USP37: variants seen among roughly 807,000 people sequenced by gnomAD.
The protein encoded by USP37 is ubiquitin specific peptidase 37.
Under a neutral mutation model 124.0 loss-of-function variants are expected in USP37, and 27 were observed. That is an observed-to-expected ratio of 0.22 (90% confidence interval 0.16 to 0.30). The LOEUF is 0.30. Among genes scored for constraint, USP37 ranks in the 10% least tolerant of loss-of-function variants. The probability of loss-of-function intolerance (pLI) is 1.00; values close to 1 mark genes in which losing one functional copy is unlikely to be tolerated. For missense variants in USP37, 889 were observed against 1,140.4 expected (o/e 0.78, Z 3.17); for synonymous variants, 365 against 388.0 (o/e 0.94, Z 0.70).
chr2:218,522,523 A>G (rs1167175798), intron 10 of USP37, among the ~76,000 whole-genome samples: 3 of 144,356 alleles, frequency 2.1e-5, no homozygotes, highest in African/African-American at 7.7e-5. Context: ...GGATTGTGCC[A>G]CCGTACTCCA....
chr2:218,524,275 G>C (rs147826316), intron 10 of USP37, among the ~76,000 whole-genome samples: 1 of 152,188 alleles, frequency 6.6e-6, no homozygotes, highest in Admixed American at 6.5e-5. Context: ...AGCCTTTCCT[G>C]TTTTGTAGAG....
At chr2:218,562,876 A>G in intron 1 of USP37, 63 bp from the exon 2 acceptor site, 1 of 393,920 alleles carries the variant, frequency 2.5e-6, no homozygotes, top group South Asian at 1.3e-4. Flanking sequence ...TACTTAAAAG[A>G]AAGTGGGCTG....
At chr2:218,516,637 C>T (rs934169631) in intron 10 of USP37, among the ~76,000 whole-genome samples, 1 of 152,072 alleles carries the variant, frequency 6.6e-6, no homozygotes, top group Non-Finnish European at 1.5e-5. Context: ...CAGCAAACTA[C>T]CATGGCACAT....
intron 10 of USP37, among the ~76,000 whole-genome samples, chr2:218,525,867 G>A (rs1690928399): frequency 6.6e-6 from 1 of 152,118 alleles, no homozygotes; most frequent in African/African-American, 2.4e-5. Context: ...AAGCCCCAGT[G>A]TGTGTTGTTC....
At chr2:218,520,102 T>C (rs1328257515) in intron 10 of USP37, among the ~76,000 whole-genome samples, 1 of 151,740 alleles carries the variant, frequency 6.6e-6, no homozygotes, top group East Asian at 2.0e-4. Context: ...CATGCCTGCC[T>C]AATTTTTGTA....
chr2:218,503,811 A>G (rs1689525040), intron 11 of USP37, among the ~76,000 whole-genome samples: 1 of 152,186 alleles, frequency 6.6e-6, no homozygotes, highest in Non-Finnish European at 1.5e-5. Flanking sequence ...ATGAACACAA[A>G]GGAAAGAAAG....
intron 8 of USP37, among the ~76,000 whole-genome samples, chr2:218,540,752 G>A (rs1359593346): frequency 6.6e-6 from 1 of 152,176 alleles, no homozygotes; most frequent in Non-Finnish European, 1.5e-5. Context: ...TCATGCATAA[G>A]GGGGGACTAC....
chr2:218,536,488 C>T (rs1026526791), intron 8 of USP37, among the ~76,000 whole-genome samples: 54 of 152,270 alleles, frequency 3.5e-4, no homozygotes, highest in African/African-American at 1.3e-3. Context: ...CAAGGCCGGG[C>T]GCTACAGTAG....
intron 9 of USP37, among the ~76,000 whole-genome samples, chr2:218,532,295 A>T (rs935877746): frequency 6.6e-6 from 1 of 151,770 alleles, no homozygotes; most frequent in African/African-American, 2.4e-5. Context: ...GTGAAACCCC[A>T]TCTCTACTAA....
At chr2:218,458,321 C>T (rs1281921642) in intron 23 of USP37, among the ~76,000 whole-genome samples, 1 of 149,566 alleles carries the variant, frequency 6.7e-6, no homozygotes, top group Admixed American at 6.7e-5. Context: ...CCTGTAATCC[C>T]CATACTTTGG....
chr2:218,534,369 G>A (rs913642274), intron 9 of USP37, among the ~76,000 whole-genome samples: 1 of 152,156 alleles, frequency 6.6e-6, no homozygotes, highest in African/African-American at 2.4e-5. Flanking sequence ...CACACCTGCA[G>A]TCCCAGCTAC....
chr2:218,475,223 AG>A (rs1690904407), intron 19 of USP37, among the ~76,000 whole-genome samples: 1 of 152,242 alleles, frequency 6.6e-6, no homozygotes, highest in African/African-American at 2.4e-5. Flanking sequence ...AGATATATAT[AG>A]ATTATACAGT....
chr2:218,465,202 A>C (rs1690247112), intron 21 of USP37, among the ~76,000 whole-genome samples: 1 of 152,206 alleles, frequency 6.6e-6, no homozygotes, highest in Admixed American at 6.5e-5. Flanking sequence ...TTAGAAAATA[A>C]CCAAAACAAA....
chr2:218,509,591 A>T (rs954331265), intron 11 of USP37, among the ~76,000 whole-genome samples: 4 of 152,038 alleles, frequency 2.6e-5, no homozygotes, highest in Non-Finnish European at 5.9e-5. Context: ...TTAAAAAAAA[A>T]ATTTAAAAGA....
chr2:218,549,834 C>G lies in USP37; in HGVS notation c.404G>C (p.Arg135Thr). The change falls in exon 6 of 26, where the codon AGG becomes ACG. Residue 135 changes from arginine (R) to threonine (T), a missense_variant. Arg to Thr is a moderately conservative substitution (Grantham distance 71, BLOSUM62 -1). Around this residue, in one of 3 missense-constraint regions of USP37, gnomAD observed 374 missense variants for 386.0 expected, o/e 0.97. Transcript: ENST00000258399. ...GSRTSQKETS[R>T]QLSYSDNQAS... ...CTGATTGTCTGAGTAAGAAAGCTGC[C>G]TGCTGGTTTCCTTCTGTGAGGTCCT... 6.2e-7 allele frequency: 1 copy of G among 1,612,880 alleles called. No individual in the cohort carries two copies. Among genetic ancestry groups the G allele is most frequent in the Non-Finnish European group, 8.5e-7 (1 of 1,179,558 alleles).
chr2:218,534,469 A>G (rs1172241970), intron 9 of USP37, 140 bp downstream of exon 9: 1 of 327,040 alleles, frequency 3.1e-6, no homozygotes, highest in African/African-American at 2.2e-5. Context: ...AACCTGGGCG[A>G]CAGAGCAAGA....
At chr2:218,556,990 G>T (rs989975605) in intron 4 of USP37, among the ~76,000 whole-genome samples, 1 of 152,038 alleles carries the variant, frequency 6.6e-6, no homozygotes, top group Admixed American at 6.6e-5. Context: ...AACCTTATAA[G>T]TAGCTGGGAC....
In USP37 at chr2:218,474,775, T is replaced by C; in HGVS notation, c.2154A>G (p.Arg718=). The change falls in exon 20 of 26, where the codon AGA becomes AGG. Residue 718 remains arginine, a synonymous_variant. Transcript: ENST00000258399. Reference sequence around the variant, plus strand: ...CATGACTCAGAGATGGTGAAGCATCTCTCTTACTTATCTCCAAGACAGCTG... The same window carrying C: ...CATGACTCAGAGATGGTGAAGCATCCCTCTTACTTATCTCCAAGACAGCTG... ...LLAAVLEISK[R]DASPSLSHED... is the part of the protein sequence containing the mutation. The C allele has an allele frequency of 6.2e-7, 1 of 1,614,194 alleles. No homozygotes were observed. Among genetic ancestry groups the C allele is most frequent in the Non-Finnish European group, 8.5e-7 (1 of 1,180,032 alleles).
intron 3 of USP37, among the ~76,000 whole-genome samples, chr2:218,559,999 A>AC (rs1175541310): frequency 6.6e-6 from 1 of 152,072 alleles, no homozygotes; most frequent in African/African-American, 2.4e-5. Context: ...AAACAAACAA[A>AC]AAAAAAACAC....
Sources: allele counts gnomAD v4.1 joint callset (sites outside exome capture counted in the v4.1 genomes callset), GRCh38; gene constraint gnomAD v4.1.1; regional missense constraint gnomAD v4.1.1; transcripts MANE v1.5; gene names NCBI Gene and HGNC (gene_info 2026-07-23, HGNC 2026-07-21).